FHOD3: variants seen among roughly 807,000 people sequenced by gnomAD.
FHOD3 encodes formin homology 2 domain containing 3.
A neutral mutation model predicts 173.0 loss-of-function variants in FHOD3; 90 were observed. The observed-to-expected ratio is 0.52, with a 90% confidence interval of 0.44 to 0.62. The LOEUF (loss-of-function observed/expected upper bound fraction) is 0.62. Ranked by LOEUF, FHOD3 falls within the 20% of genes least tolerant of loss-of-function variation. The pLI, the probability that FHOD3 is intolerant of heterozygous loss-of-function variation, is 0.00. For synonymous variants in FHOD3, 828 were observed against 823.0 expected (o/e 1.01, Z -0.10); for missense variants, 1,945 against 2,034.7 (o/e 0.96, Z 0.85).
intron 7 of FHOD3, among the ~76,000 whole-genome samples, chr18:36,599,099 A>C (rs2030955798): frequency 1.3e-5 from 2 of 152,204 alleles, no homozygotes; most frequent in Admixed American, 1.3e-4. Flanking sequence ...GCCATATTGG[A>C]GACTCCCTTT....
chr18:36,490,850 G>A (rs1003058868), intron 3 of FHOD3, among the ~76,000 whole-genome samples: 55 of 152,362 alleles, frequency 3.6e-4, no homozygotes, highest in Admixed American at 7.8e-4. Context: ...AGGTAACAAA[G>A]AAGCATCTGG....
At chr18:36,599,544 G>T (rs1288106167) in intron 7 of FHOD3, among the ~76,000 whole-genome samples, 1 of 152,220 alleles carries the variant, frequency 6.6e-6, no homozygotes, top group African/African-American at 2.4e-5. Context: ...TGTTTATGTA[G>T]TATGTGAAAA....
At chr18:36,498,475 G>A (rs1489635132) in intron 3 of FHOD3, among the ~76,000 whole-genome samples, 1 of 152,032 alleles carries the variant, frequency 6.6e-6, no homozygotes, top group Non-Finnish European at 1.5e-5. Context: ...ACCAATACCA[G>A]GTATAAAAGG....
At chr18:36,528,551 C>G (rs1193479456) in intron 5 of FHOD3, among the ~76,000 whole-genome samples, 2 of 152,200 alleles carry the variant, frequency 1.3e-5, no homozygotes, top group African/African-American at 4.8e-5. Flanking sequence ...AGGTGACAAC[C>G]TGGATACATC....
intron 27 of FHOD3, among the ~76,000 whole-genome samples, chr18:36,766,608 T>C (rs2043148833): frequency 6.6e-6 from 1 of 152,040 alleles, no homozygotes; most frequent in African/African-American, 2.4e-5. Context: ...AATCAGGCAG[T>C]GAGGATATAA....
At chr18:36,361,562 T>C (rs1568171490) in intron 2 of FHOD3, among the ~76,000 whole-genome samples, 1 of 151,808 alleles carries the variant, frequency 6.6e-6, no homozygotes, top group Non-Finnish European at 1.5e-5. Flanking sequence ...GGCACGTGCT[T>C]GTAGTCCCAG....
At chr18:36,301,642 A>C (rs1465518285) in intron 1 of FHOD3, among the ~76,000 whole-genome samples, 1 of 152,254 alleles carries the variant, frequency 6.6e-6, no homozygotes, top group Non-Finnish European at 1.5e-5. Flanking sequence ...ATTTTAAAAG[A>C]AAAATGGTAA....
intron 19 of FHOD3, among the ~76,000 whole-genome samples, chr18:36,721,903 G>C (rs1054770948): frequency 2.0e-5 from 3 of 152,088 alleles, no homozygotes; most frequent in Non-Finnish European, 2.9e-5. Flanking sequence ...TTGGTTTTAG[G>C]TTTCATCAAA....
At chr18:36,561,873 T>C (rs879373785) in intron 5 of FHOD3, among the ~76,000 whole-genome samples, 2 of 152,168 alleles carry the variant, frequency 1.3e-5, no homozygotes, top group Non-Finnish European at 2.9e-5. Context: ...AAAACCAATA[T>C]GATTAAAAAT....
At chr18:36,337,966 C>T (rs931870183) in intron 1 of FHOD3, among the ~76,000 whole-genome samples, 4 of 152,134 alleles carry the variant, frequency 2.6e-5, no homozygotes, top group African/African-American at 4.8e-5. Flanking sequence ...CAGCACAGCC[C>T]TCAACAAGTA....
At chr18:36,515,682 G>T (rs2146423206) in intron 5 of FHOD3, among the ~76,000 whole-genome samples, 1 of 152,318 alleles carries the variant, frequency 6.6e-6, no homozygotes, top group Admixed American at 6.5e-5. Flanking sequence ...TGCCAAGAAG[G>T]TGAGGCCCTA....
At position 36,744,175 on chromosome 18, in the gene FHOD3, C is replaced by T; in HGVS notation, c.4023C>T (p.Ala1341=). 6.2e-7 allele frequency: 1 copy of T among 1,613,702 alleles called. No individual in the cohort carries two copies. Among genetic ancestry groups the T allele is most frequent in the Non-Finnish European group, 8.5e-7 (1 of 1,179,814 alleles). Residue 1341 remains alanine (A), a synonymous_variant, in exon 23 of 29, where the codon GCC becomes GCT. Transcript: ENST00000590592. Reference sequence around the variant, plus strand: ...CCGATCTGTACTCGGAGATCGGGGCCATCACCAGGTCAGCCAAGGTATGTC... The same window carrying T: ...CCGATCTGTACTCGGAGATCGGGGCTATCACCAGGTCAGCCAAGGTATGTC... The part of the protein sequence containing the change: ...DSSDLYSEIG[A]ITRSAKVDFD...
In FHOD3 at chr18:36,687,185, A is replaced by G. The variant is rs1242529134; in HGVS notation, c.2021+7A>G. The G allele has an allele frequency of 4.4e-6, 7 of 1,604,398 alleles. No homozygotes were observed. The highest frequency in any genetic ancestry group is 4.0e-5 in the African/African-American group (3 of 74,746). Reference sequence around the variant, plus strand: ...GGCAAGCAAGAGAAGAAAGGTTTGTATATTTCTTCTTTCCCATTGTAACAA... The same window carrying G: ...GGCAAGCAAGAGAAGAAAGGTTTGTGTATTTCTTCTTTCCCATTGTAACAA... On this transcript the variant is annotated splice_region_variant and intron_variant, in intron 16 of 28. Transcript: ENST00000590592.
chr18:36,690,779 G>A (rs1487770804), intron 16 of FHOD3, among the ~76,000 whole-genome samples: 3 of 151,972 alleles, frequency 2.0e-5, no homozygotes, highest in Non-Finnish European at 4.4e-5. Flanking sequence ...ACATGAAATT[G>A]ACCATCTTAA....
At chr18:36,565,739 T>A (rs1351648959) in intron 5 of FHOD3, among the ~76,000 whole-genome samples, 1 of 152,230 alleles carries the variant, frequency 6.6e-6, no homozygotes, top group Non-Finnish European at 1.5e-5. Flanking sequence ...ATTTTCTTTA[T>A]ACTGCTTCTG....
At chr18:36,379,147 T>G (rs1384394353) in intron 3 of FHOD3, among the ~76,000 whole-genome samples, 2 of 152,202 alleles carry the variant, frequency 1.3e-5, no homozygotes, top group Non-Finnish European at 2.9e-5. Flanking sequence ...GACATGCGGA[T>G]AAACAGAAAT....
chr18:36,367,087 T>G (rs1453923020), intron 2 of FHOD3, among the ~76,000 whole-genome samples: 2 of 152,224 alleles, frequency 1.3e-5, no homozygotes, highest in Non-Finnish European at 2.9e-5. Context: ...GGGTCAGAAC[T>G]GAAACATGCA....
At chr18:36,603,985 G>A (rs993523758) in intron 8 of FHOD3, among the ~76,000 whole-genome samples, 2 of 152,154 alleles carry the variant, frequency 1.3e-5, no homozygotes, top group African/African-American at 4.8e-5. Flanking sequence ...ACGTGATGGT[G>A]ACCACACCTC....
At chr18:36,741,618 A>G (rs2041906174) in intron 21 of FHOD3, among the ~76,000 whole-genome samples, 1 of 151,940 alleles carries the variant, frequency 6.6e-6, no homozygotes, top group Non-Finnish European at 1.5e-5. Context: ...GAAATTTTAA[A>G]AACTTAGCCA....
Sources: gnomAD v4.1 joint callset for allele counts (sites outside exome capture counted in the v4.1 genomes callset) on GRCh38, gnomAD v4.1.1 for gene constraint, MANE v1.5 for transcripts, NCBI Gene and HGNC (gene_info 2026-07-23, HGNC 2026-07-21) for gene names.